Variants in LEMD1 observed in about 807,000 individuals in gnomAD.
LEMD1 encodes LEM domain-containing protein 1.
A neutral mutation model predicts 17.4 loss-of-function variants in LEMD1; 18 were observed. The ratio of observed to expected loss-of-function variants is 1.04; its 90% CI spans 0.72 to 1.54. The LOEUF (loss-of-function observed/expected upper bound fraction) is 1.54. Among genes scored for constraint, LEMD1 ranks in the 40% most tolerant of loss-of-function variants. The probability of loss-of-function intolerance (pLI) is 0.00; values close to 1 mark genes in which losing one functional copy is unlikely to be tolerated. For missense variants in LEMD1, 195 were observed against 210.4 expected (o/e 0.93, Z 0.45); for synonymous variants, 88 against 77.8 (o/e 1.13, Z -0.69).
chr1:205,419,074 C>G (rs1395075609), intron 3 of LEMD1, among the ~76,000 whole-genome samples, 156 bp downstream of exon 3: 2 of 152,250 alleles, frequency 1.3e-5, no homozygotes, highest in African/African-American at 2.4e-5. Flanking sequence ...ATTCTTTTTA[C>G]AGCCCAGGGG....
At chr1:205,438,347 G>A (rs190986320) in intron 1 of LEMD1, among the ~76,000 whole-genome samples, 1 of 152,350 alleles carries the variant, frequency 6.6e-6, no homozygotes, top group East Asian at 1.9e-4. Context: ...TGGAGTCTCT[G>A]GGAGAGAACC....
At chr1:205,391,046 G>C (rs1334800073) in intron 4 of LEMD1, among the ~76,000 whole-genome samples, 1 of 151,924 alleles carries the variant, frequency 6.6e-6, no homozygotes, top group Non-Finnish European at 1.5e-5. Context: ...ACAAACCTGC[G>C]CAAGTACCCC....
intron 4 of LEMD1, among the ~76,000 whole-genome samples, chr1:205,407,543 C>T (rs1432483614): frequency 6.6e-6 from 1 of 152,120 alleles, no homozygotes; most frequent in Non-Finnish European, 1.5e-5. Flanking sequence ...GCAGCGCGCC[C>T]AGAGAAAGCA....
Position 205,383,791 on chromosome 1 carries a change from G to A in LEMD1, c.347+497C>T, listed in dbSNP as rs548318100. 2.8e-4 allele frequency among the ~76,000 whole-genome samples: 43 copies of A among 151,228 alleles called. No homozygotes were observed. The South Asian group carries it at 8.6e-3, about 30-fold the overall frequency. On this transcript the variant is annotated intron_variant, in intron 5 of 5. Coordinates refer to ENST00000367153, the MANE Select transcript of LEMD1 (RefSeq NM_001199050.2). The stretch of plus-strand genomic sequence containing the variant: ...TGGGATTACAGGCGCATGCCACCAC[G>A]TCTGGCTAATTTTTTTGTGTTTTTA...
chr1:205,436,444 T>A (rs1236388037), intron 1 of LEMD1: 1 of 152,088 alleles, frequency 6.6e-6, no homozygotes, highest in Non-Finnish European at 1.5e-5. Context: ...CCATGGAAAT[T>A]TAGAGAAGCG....
At chr1:205,399,754 C>A (rs1664751673) in intron 4 of LEMD1, among the ~76,000 whole-genome samples, 1 of 152,120 alleles carries the variant, frequency 6.6e-6, no homozygotes, top group African/African-American at 2.4e-5. Flanking sequence ...TGGATACAAC[C>A]CATTGGATGA....
At chr1:205,412,126 T>C (rs1050014944) in intron 4 of LEMD1, among the ~76,000 whole-genome samples, 2 of 152,202 alleles carry the variant, frequency 1.3e-5, no homozygotes, top group Non-Finnish European at 2.9e-5. Flanking sequence ...TGATAAATTA[T>C]ACGGCCACCT....
At chr1:205,436,696 G>A (rs1666213233) in intron 1 of LEMD1, 1 of 152,206 alleles carries the variant, frequency 6.6e-6, no homozygotes, top group South Asian at 2.1e-4. Context: ...CTTGGTTCTT[G>A]TGGTACTGTC....
At chr1:205,399,296 A>T (rs772101685) in intron 4 of LEMD1, among the ~76,000 whole-genome samples, 57 of 152,196 alleles carry the variant, frequency 3.7e-4, no homozygotes, top group Non-Finnish European at 7.8e-4. Context: ...TAATGGAATC[A>T]CTGTCAGATA....
chr1:205,394,092 C>T (rs567709308), intron 4 of LEMD1, among the ~76,000 whole-genome samples: 2 of 149,292 alleles, frequency 1.3e-5, no homozygotes, highest in South Asian at 2.1e-4. Context: ...TTATATGAAG[C>T]GAAAGAAGTG....
intron 4 of LEMD1, among the ~76,000 whole-genome samples, chr1:205,390,361 A>G (rs1279672101): frequency 6.6e-6 from 1 of 152,078 alleles, no homozygotes; most frequent in Non-Finnish European, 1.5e-5. Flanking sequence ...TCTCTAAAAA[A>G]AAAAAAAACA....
At chr1:205,426,893 G>A (rs1666064321), upstream of LEMD1, among the ~76,000 whole-genome samples, 1 of 152,072 alleles carries the variant, frequency 6.6e-6, no homozygotes, top group Non-Finnish European at 1.5e-5. Flanking sequence ...AAGAAGGCAG[G>A]GAGAGAGACC....
intron 4 of LEMD1, among the ~76,000 whole-genome samples, chr1:205,392,058 C>T (rs187495106): frequency 6.6e-5 from 10 of 151,772 alleles, no homozygotes; most frequent in African/African-American, 2.4e-4. Flanking sequence ...TTTAAATGAG[C>T]CAAGATCACA....
chr1:205,381,873 G>A lies in LEMD1; in HGVS notation c.348-17C>T, dbSNP rs1663716235. 1.2e-6 allele frequency: 2 copies of A among 1,613,514 alleles called. No individual in the cohort carries two copies. Among genetic ancestry groups the A allele is most frequent in the Admixed American group, 1.7e-5 (1 of 59,994 alleles). On this transcript the variant is annotated splice_polypyrimidine_tract_variant and intron_variant, in intron 5 of 5. Coordinates refer to ENST00000367153, the MANE Select transcript of LEMD1 (RefSeq NM_001199050.2). ...GCAGCCCACCTGTGAAAACATCAGT[G>A]GCTCTTAGGATTGTGGACAGCTGTG...
chr1:205,428,296 A>T (rs1213256020), intron 1 of LEMD1, among the ~76,000 whole-genome samples: 2 of 152,174 alleles, frequency 1.3e-5, no homozygotes, highest in Non-Finnish European at 2.9e-5. Flanking sequence ...GAGTGATGCC[A>T]TGACAGTTAT....
At chr1:205,399,366 G>A (rs1159853589) in intron 4 of LEMD1, among the ~76,000 whole-genome samples, 1 of 152,192 alleles carries the variant, frequency 6.6e-6, no homozygotes, top group Non-Finnish European at 1.5e-5. Context: ...TGCAATTGGA[G>A]ATAAATAGAA....
intron 4 of LEMD1, among the ~76,000 whole-genome samples, chr1:205,416,004 T>C (rs1161020779): frequency 1.3e-5 from 2 of 152,134 alleles, no homozygotes; most frequent in Non-Finnish European, 2.9e-5. Context: ...GTGGTGGCTT[T>C]TTTAAGAAGG....
chr1:205,402,219 GT>G (rs1664886107), intron 4 of LEMD1, among the ~76,000 whole-genome samples: 4 of 152,152 alleles, frequency 2.6e-5, no homozygotes, highest in African/African-American at 9.7e-5. Flanking sequence ...CTTTAAAGCA[GT>G]TTTTTCCAAT....
chr1:205,426,947 C>T (rs117906650), upstream of LEMD1, among the ~76,000 whole-genome samples: 158 of 152,188 alleles, frequency 1.0e-3, 1 homozygote, highest in East Asian at 0.029. Context: ...TGATAATGAA[C>T]AGTAGTGGAG....
Sources: allele counts gnomAD v4.1 joint callset (sites outside exome capture counted in the v4.1 genomes callset), GRCh38; gene constraint gnomAD v4.1.1; transcripts MANE v1.5; gene names NCBI Gene and HGNC (gene_info 2026-07-23, HGNC 2026-07-21).